The following HYCC2 variants were observed in gnomAD, a reference collection of about 807,000 sequenced individuals.
The protein encoded by HYCC2 is hyccin PI4KA lipid kinase complex subunit 2.
chr2:201,064,923 T>A, the HYCC2 span, among the ~76,000 whole-genome samples: 13 of 152,316 alleles, frequency 8.5e-5, no homozygotes, highest in African/African-American at 3.1e-4. Flanking sequence ...ATAACTACAG[T>A]AAAATATCAA....
the HYCC2 span, among the ~76,000 whole-genome samples, chr2:201,040,150 C>T: frequency 8.8e-5 from 13 of 148,372 alleles, no homozygotes; most frequent in East Asian, 1.4e-3. Flanking sequence ...TCTAGCCTGG[C>T]GACAGAGTGA....
At chr2:201,064,147 G>A in the HYCC2 span, 1 of 946,662 alleles carries the variant, frequency 1.1e-6, no homozygotes. Flanking sequence ...GCACAGTGGT[G>A]GCAGGGCCTA....
At chr2:201,013,750 G>A in the HYCC2 span, among the ~76,000 whole-genome samples, 1 of 152,142 alleles carries the variant, frequency 6.6e-6, no homozygotes, top group African/African-American at 2.4e-5. Context: ...GAATGGGCCT[G>A]ATTTAAGTTA....
chr2:200,988,001 T>C, the HYCC2 span, among the ~76,000 whole-genome samples: 1 of 152,242 alleles, frequency 6.6e-6, no homozygotes, highest in East Asian at 1.9e-4. Flanking sequence ...TCTTTCCTAT[T>C]GTTCTTATTT....
the HYCC2 span, among the ~76,000 whole-genome samples, chr2:201,002,870 A>G: frequency 0.028 from 4,336 of 152,290 alleles, 218 homozygotes; most frequent in African/African-American, 0.099. Flanking sequence ...TTTATCCTAT[A>G]GATACTTTTC....
At chr2:200,997,630 T>C in the HYCC2 span, 2 of 778,258 alleles carry the variant, frequency 2.6e-6, no homozygotes, top group East Asian at 2.5e-5. Flanking sequence ...TTGACCTTTA[T>C]GATTTCTTAA....
chr2:201,055,819 G>A, the HYCC2 span, among the ~76,000 whole-genome samples: 19 of 152,224 alleles, frequency 1.2e-4, no homozygotes, highest in Middle Eastern at 3.4e-3. Flanking sequence ...CTAGCTACTC[G>A]GGTGGCTGAT....
chr2:200,988,745 A>C, the HYCC2 span, among the ~76,000 whole-genome samples: 2 of 152,226 alleles, frequency 1.3e-5, no homozygotes, highest in Non-Finnish European at 2.9e-5. Context: ...TGCAAAATTT[A>C]ATCTCTGATA....
At chr2:200,989,403 C>T in the HYCC2 span, among the ~76,000 whole-genome samples, 1 of 152,016 alleles carries the variant, frequency 6.6e-6, no homozygotes, top group African/African-American at 2.4e-5. Flanking sequence ...TAATATAACT[C>T]TTAGGGTAAG....
the HYCC2 span, chr2:200,976,458 T>C: frequency 6.6e-6 from 1 of 152,192 alleles, no homozygotes; most frequent in Non-Finnish European, 1.5e-5. Flanking sequence ...TATTTACAAA[T>C]GAACATGCAG....
the HYCC2 span, among the ~76,000 whole-genome samples, chr2:201,004,551 C>T: frequency 6.6e-6 from 1 of 152,180 alleles, no homozygotes; most frequent in Admixed American, 6.5e-5. Flanking sequence ...AAACAGATGC[C>T]AGCAGTCTCT....
the HYCC2 span, among the ~76,000 whole-genome samples, chr2:201,032,052 C>G: frequency 6.6e-6 from 1 of 152,166 alleles, no homozygotes; most frequent in African/African-American, 2.4e-5. Context: ...CCTCCACCTC[C>G]CGGATTCAAG....
chr2:200,988,234 G>A, the HYCC2 span: 1 of 1,574,178 alleles, frequency 6.4e-7, no homozygotes, highest in Non-Finnish European at 8.7e-7. Context: ...TTGACTCCAT[G>A]TGTGGACTAT....
chr2:201,063,602 G>A, the HYCC2 span: 4 of 1,579,842 alleles, frequency 2.5e-6, no homozygotes, highest in African/African-American at 1.3e-5. Flanking sequence ...CACTGTGAAT[G>A]GCCACAACTG....
At chr2:200,973,900 TA>T in the HYCC2 span, 7 of 152,118 alleles carry the variant, frequency 4.6e-5, no homozygotes, top group African/African-American at 1.7e-4. Flanking sequence ...TACAATAACT[TA>T]AAATATTTTT....
the HYCC2 span, among the ~76,000 whole-genome samples, chr2:200,990,646 C>A: frequency 6.6e-6 from 1 of 152,052 alleles, no homozygotes; most frequent in East Asian, 1.9e-4. Flanking sequence ...GATTTCAGCT[C>A]ACTGCAACCT....
the HYCC2 span, chr2:201,066,625 A>C: frequency 6.6e-6 from 1 of 152,200 alleles, no homozygotes; most frequent in South Asian, 2.1e-4. Flanking sequence ...TAAGGAGGTT[A>C]ATTGGCAAGT....
At chr2:201,029,198 A>G in the HYCC2 span, among the ~76,000 whole-genome samples, 1 of 152,228 alleles carries the variant, frequency 6.6e-6, no homozygotes, top group Non-Finnish European at 1.5e-5. Context: ...CAACAGACAC[A>G]TGAAAAAATG....
At chr2:201,024,450 C>T in the HYCC2 span, among the ~76,000 whole-genome samples, 1 of 152,102 alleles carries the variant, frequency 6.6e-6, no homozygotes, top group Middle Eastern at 3.4e-3. Context: ...GATCGTGCCA[C>T]TGCATTCTGG....
Sources: gnomAD v4.1 joint callset for allele counts (sites outside exome capture counted in the v4.1 genomes callset) on GRCh38, gnomAD v4.1.1 for gene constraint, MANE v1.5 for transcripts, NCBI Gene and HGNC (gene_info 2026-07-23, HGNC 2026-07-21) for gene names.